Variants in PPP1R21 observed in about 807,000 individuals in gnomAD.
PPP1R21 encodes KLRAQ motif containing 1.
A neutral mutation model predicts 112.8 loss-of-function variants in PPP1R21; 85 were observed. That is an observed-to-expected ratio of 0.75 (90% CI 0.63 to 0.90). The LOEUF (loss-of-function observed/expected upper bound fraction) is 0.90. Ranked by LOEUF, PPP1R21 falls within the 40% of genes least tolerant of loss-of-function variation. PPP1R21 has a pLI of 0.00. For missense variants in PPP1R21, 1,199 were observed against 901.5 expected, an observed-to-expected ratio of 1.33 and a Z score of -4.23; for synonymous variants, 381 against 322.3, an observed-to-expected ratio of 1.18 and a Z score of -1.95.
intron 17 of PPP1R21, among the ~76,000 whole-genome samples, chr2:48,505,298 T>G (rs942408829): frequency 2.0e-5 from 3 of 152,200 alleles, no homozygotes; most frequent in Non-Finnish European, 4.4e-5. Flanking sequence ...CCTAGATGAT[T>G]TGTTGGGTTT....
At chr2:48,457,155 A>G (rs774794899) in intron 3 of PPP1R21, among the ~76,000 whole-genome samples, 1 of 152,218 alleles carries the variant, frequency 6.6e-6, no homozygotes, top group Non-Finnish European at 1.5e-5. Context: ...ATCCCTGCCT[A>G]GGACTGTTGA....
At chr2:48,459,983 C>G (rs2103797677) in intron 5 of PPP1R21, 65 bp downstream of exon 5, 1 of 1,589,070 alleles carries the variant, frequency 6.3e-7, no homozygotes, top group South Asian at 1.1e-5. Context: ...AATTGTCTAT[C>G]CACTTAGAGT....
At chr2:48,488,004 T>A (rs1004793743) in intron 14 of PPP1R21, among the ~76,000 whole-genome samples, 2 of 152,196 alleles carry the variant, frequency 1.3e-5, no homozygotes, top group African/African-American at 4.8e-5. Flanking sequence ...CTTTATATAC[T>A]ATTCTGCTTC....
chr2:48,500,515 G>A (rs1382973423), intron 17 of PPP1R21, among the ~76,000 whole-genome samples: 1 of 151,896 alleles, frequency 6.6e-6, no homozygotes, highest in African/African-American at 2.4e-5. Context: ...AAAATTTTTA[G>A]AAAAGCAACA....
chr2:48,488,985 G>C (rs996853548), intron 14 of PPP1R21, among the ~76,000 whole-genome samples: 8 of 152,112 alleles, frequency 5.3e-5, no homozygotes, highest in Non-Finnish European at 8.8e-5. Flanking sequence ...ACTATATATA[G>C]CTCAAGATTT....
intron 12 of PPP1R21, among the ~76,000 whole-genome samples, chr2:48,475,544 A>T (rs894781365): frequency 6.6e-6 from 1 of 151,772 alleles, no homozygotes; most frequent in Non-Finnish European, 1.5e-5. Context: ...CTTTGGCCTA[A>T]CTTCAAAAAA....
At position 48,453,005 on chromosome 2, in the gene PPP1R21, G is replaced by A. The variant is rs112980993; in HGVS notation, c.127-1590G>A. Among the ~76,000 whole-genome samples the A allele has an allele frequency of 3.3e-3, 497 of 150,418 alleles. 8 individuals carry two copies. The highest frequency in any genetic ancestry group is 0.012 in the African/African-American group (472 of 40,838). ...GTCTTACTCTGTCACCCAGGCTGGA[G>A]TGCAGTGGCACAATCTCGGCTTACT... is the stretch of plus-strand genomic sequence containing the variant. On this transcript the variant is annotated intron_variant, in intron 2 of 21. Coordinates refer to ENST00000294952, the MANE Select transcript of PPP1R21 (RefSeq NM_001135629.3).
rs141543098 is a variant in PPP1R21 at position 48,495,830 on chromosome 2, A to G, written c.1692+59A>G. ...AGAACAGAAATGTTAAATCCCCCAT[A>G]GAAAGTTTTTAAGATACGTAGAATG... On this transcript the variant is annotated intron_variant, in intron 16 of 21. Transcript: ENST00000294952. 6.3e-4 allele frequency: 631 copies of G among 1,009,072 alleles called. 6 individuals carry two copies. The African/African-American group carries it at 8.6e-3, about 14-fold the overall frequency. 62.5% of individuals were successfully genotyped at this position (1,009,072 alleles called of 1,614,324 possible).
intron 7 of PPP1R21, among the ~76,000 whole-genome samples, chr2:48,464,734 C>T (rs1401956645): frequency 6.6e-6 from 1 of 151,528 alleles, no homozygotes; most frequent in Non-Finnish European, 1.5e-5. Flanking sequence ...TTTTTTTAAG[C>T]CTGAAGTTAA....
At chr2:48,482,925 A>AT (rs532850579) in intron 13 of PPP1R21, among the ~76,000 whole-genome samples, 28 of 152,022 alleles carry the variant, frequency 1.8e-4, no homozygotes, top group Non-Finnish European at 3.7e-4. Context: ...TCCTGATGCT[A>AT]TCCCTCCTCC....
At chr2:48,514,282 T>C (rs1670772856) in intron 21 of PPP1R21, among the ~76,000 whole-genome samples, 1 of 152,000 alleles carries the variant, frequency 6.6e-6, no homozygotes, top group African/African-American at 2.4e-5. Context: ...GAGACGGGGT[T>C]TCACCATGTT....
intron 1 of PPP1R21, among the ~76,000 whole-genome samples, chr2:48,447,191 G>T (rs745753384): frequency 6.6e-6 from 1 of 152,192 alleles, no homozygotes; most frequent in African/African-American, 2.4e-5. Context: ...TCTATGGGCC[G>T]TAGGGAGTCA....
At chr2:48,508,710 GTCAGGT>G (rs1179413272) in intron 19 of PPP1R21, among the ~76,000 whole-genome samples, 1 of 152,176 alleles carries the variant, frequency 6.6e-6, no homozygotes, top group African/African-American at 2.4e-5. Context: ...ATTCCTCTTT[GTCAGGT>G]TCATTGCTGA....
intron 7 of PPP1R21, among the ~76,000 whole-genome samples, chr2:48,463,493 A>G (rs1668068920): frequency 6.6e-6 from 1 of 152,030 alleles, no homozygotes; most frequent in South Asian, 2.1e-4. Flanking sequence ...GTTGAGGTGA[A>G]TGGGTGCTGA....
chr2:48,501,301 C>G (rs1670100354), intron 17 of PPP1R21, among the ~76,000 whole-genome samples: 1 of 152,180 alleles, frequency 6.6e-6, no homozygotes, highest in South Asian at 2.1e-4. Context: ...CTGATTTCTT[C>G]TCCCCAGCTC....
At chr2:48,473,408 A>G (rs541067273) in intron 11 of PPP1R21, among the ~76,000 whole-genome samples, 1 of 152,210 alleles carries the variant, frequency 6.6e-6, no homozygotes, top group Non-Finnish European at 1.5e-5. Flanking sequence ...AGTATTTACT[A>G]CTTGAAAGAG....
intron 13 of PPP1R21, among the ~76,000 whole-genome samples, chr2:48,485,463 C>G (rs1355978732): frequency 6.6e-6 from 1 of 151,922 alleles, no homozygotes; most frequent in African/African-American, 2.4e-5. Flanking sequence ...ACAACTGTAC[C>G]ATAGTAATAT....
chr2:48,502,006 T>A (rs777514934), intron 17 of PPP1R21: 1 of 152,216 alleles, frequency 6.6e-6, no homozygotes, highest in Admixed American at 6.5e-5. Flanking sequence ...TTTTAGTACA[T>A]GTGCTGCTGA....
chr2:48,471,226 G>T, intron 10 of PPP1R21, 38 bp downstream of exon 10: 1 of 1,604,582 alleles, frequency 6.2e-7, no homozygotes, highest in South Asian at 1.1e-5. Flanking sequence ...GAAACTGGGA[G>T]CTCCTCTTTG....
Sources: gnomAD v4.1 joint callset for allele counts (sites outside exome capture counted in the v4.1 genomes callset) on GRCh38, gnomAD v4.1.1 for gene constraint, MANE v1.5 for transcripts, NCBI Gene and HGNC (gene_info 2026-07-23, HGNC 2026-07-21) for gene names.